Variants in VN1R2 observed in about 807,000 individuals in gnomAD.
VN1R2 encodes the protein vomeronasal 1 receptor 2.
For synonymous variants in VN1R2, 160 were observed against 173.1 expected, an observed-to-expected ratio of 0.92 and a Z score of 0.59; for missense variants, 418 against 452.4, an observed-to-expected ratio of 0.92 and a Z score of 0.69.
At position 53,258,452 on chromosome 19, in the gene VN1R2, T is replaced by C; in HGVS notation, c.77T>C (p.Leu26Pro). ...AGCGCAGCCTGGCATTTGGGGCCAC[T>C]ACCAGTCTCCTGCTTTGTATCCAAT... ...NISAAWHLGP[L>P]PVSCFVSNKY... Residue 26 changes from leucine (L) to proline (P), a missense_variant, in exon 1 of 1, where the codon CTA (leucine) becomes CCA (proline). Transcript: ENST00000341702. 1.1e-6 allele frequency: 1 copy of C among 872,744 alleles called. No homozygotes were observed. The highest frequency in any genetic ancestry group is 1.4e-5 in the South Asian group (1 of 70,272). 54.1% of individuals were successfully genotyped at this position (872,744 alleles called of 1,614,324 possible).
In VN1R2 at chr19:53,258,348, A is replaced by G. The variant is rs972718261; in HGVS notation, c.-28A>G. ...GGGCCCCCTGTCCAGTGGACACGTG[A>G]CCCACGTGACCTTACCTATCATTGG... On this transcript the variant is annotated 5_prime_UTR_variant, in exon 1 of 1. Transcript: ENST00000341702. 1.7e-5 allele frequency: 11 copies of G among 653,378 alleles called. No homozygotes were observed. Among genetic ancestry groups the G allele is most frequent in the African/African-American group, 1.3e-4 (7 of 55,190 alleles). 40.5% of individuals were successfully genotyped at this position (653,378 alleles called of 1,614,324 possible).
chr19:53,258,791 TC>T, upstream of VN1R2: 1 of 1,614,224 alleles, frequency 6.2e-7, no homozygotes, highest in Non-Finnish European at 8.5e-7. Flanking sequence ...TCCTTGGTTA[TC>T]CTATCTAAAA....
At position 53,259,489 on chromosome 19, in the gene VN1R2, C is replaced by A; in HGVS notation, c.1114C>A (p.Pro372Thr). 1 of 1,614,128 alleles carries A rather than the reference C, an allele frequency of 6.2e-7. No individual in the cohort carries two copies. The highest frequency in any genetic ancestry group is 8.5e-7 in the Non-Finnish European group (1 of 1,180,022). ...ISPFVLMCRD[P>T]SRSRLCSICC... is the part of the protein sequence containing the mutation. ...CCCTTTTGTTCTCATGTGCCGTGAC[C>A]CCAGCAGATCCAGGCTCTGCAGTAT... The change falls in exon 1 of 1, where the codon CCC becomes ACC. Residue 372 changes from proline (P) to threonine (T), a missense_variant. Pro to Thr is a conservative substitution (Grantham distance 38, BLOSUM62 -1). Coordinates refer to ENST00000341702, the MANE Select transcript of VN1R2 (RefSeq NM_173856.2).
At position 53,258,948 on chromosome 19, in the gene VN1R2, C is replaced by T; in HGVS notation, c.573C>T (p.Ile191=). 1 of 1,614,158 alleles carries T rather than the reference C, an allele frequency of 6.2e-7. No homozygotes were observed. The highest frequency in any genetic ancestry group is 8.5e-7 in the Non-Finnish European group (1 of 1,180,024). ...CLLSVFQVIT[I]NPRNSRWAEM... ...TGAGTGTCTTCCAGGTGATCACCATCAACCCTAGGAACTCCAGGTGGGCAG... is the reference window on the plus strand; with the variant it reads ...TGAGTGTCTTCCAGGTGATCACCATTAACCCTAGGAACTCCAGGTGGGCAG... The change falls in exon 1 of 1, where the codon ATC becomes ATT. Residue 191 remains isoleucine (I), a synonymous_variant. Transcript: ENST00000341702.
chr19:53,258,892 A>AG, upstream of VN1R2: 8 of 1,614,166 alleles, frequency 5.0e-6, no homozygotes, highest in Non-Finnish European at 6.8e-6. Context: ...CAGGGTAGGC[A>AG]GGGGTGTGTC....
chr19:53,259,381 G>A lies in VN1R2; in HGVS notation c.1006G>A (p.Val336Ile), dbSNP rs1394368853. 3.0e-5 allele frequency: 48 copies of A among 1,614,062 alleles called. No homozygotes were observed. Among genetic ancestry groups the A allele is most frequent in the South Asian group, 1.1e-4 (10 of 91,084 alleles). Reference protein sequence around the residue: ...LCYALSFITYVYLALFDNSSW... With the variant: ...LCYALSFITYIYLALFDNSSW... The stretch of plus-strand genomic sequence containing the variant: ...TTACGCCCTTTCCTTCATCACCTAC[G>A]TTTATTTAGCTCTCTTCGATAATTC... Residue 336 changes from valine (V) to isoleucine (I), a missense_variant, in exon 1 of 1, where the codon GTT becomes ATT. By Grantham distance (29) the Val-to-Ile change is conservative. Transcript: ENST00000341702.
chr19:53,258,955 AG>A (rs1321899889), upstream of VN1R2: 1 of 1,614,038 alleles, frequency 6.2e-7, no homozygotes, highest in African/African-American at 1.3e-5. Context: ...CATCAACCCT[AG>A]GAACTCCAGG....
In VN1R2 at chr19:53,259,173, A is replaced by G. The variant is rs1320640238; in HGVS notation, c.798A>G (p.Thr266=). The change falls in exon 1 of 1, where the codon ACA becomes ACG. Residue 266 remains threonine, a synonymous_variant. Coordinates refer to ENST00000341702, the MANE Select transcript of VN1R2 (RefSeq NM_173856.2). ...EVTKSVYAAL[T]SFHDVLCLGL... ...CAAAGTCAGTATATGCAGCATTGAC[A>G]TCCTTCCATGATGTTTTGTGTCTGG... The G allele has an allele frequency of 6.2e-7, 1 of 1,614,200 alleles. No homozygotes were observed. The highest frequency in any genetic ancestry group is 8.5e-7 in the Non-Finnish European group (1 of 1,180,036).
In VN1R2 at chr19:53,259,539, C is replaced by A. The variant is rs910002340; in HGVS notation, c.1164C>A (p.Phe388Leu). ...TCTGCTGCAGAAGAAATAGACGATT[C>A]TTTCATGATTTCAGGAAAATGTGAA... ...CSICCRRNRRFFHDFRKM is the reference protein window; with the variant it reads ...CSICCRRNRRLFHDFRKM The change falls in exon 1 of 1, where the codon TTC becomes TTA. Residue 388 changes from phenylalanine (F) to leucine (L), a missense_variant. Physicochemically the swap from Phe to Leu is conservative, Grantham distance 22. Coordinates refer to ENST00000341702, the MANE Select transcript of VN1R2 (RefSeq NM_173856.2). 20 of 1,610,762 alleles carry A rather than the reference C, an allele frequency of 1.2e-5. No individual in the cohort carries two copies. The highest frequency in any genetic ancestry group is 1.6e-5 in the Non-Finnish European group (19 of 1,178,056).
rs774777284 is a variant in VN1R2 at position 53,259,042 on chromosome 19, G to A, written c.667G>A (p.Val223Ile). 3 of 1,614,078 alleles carry A rather than the reference G, an allele frequency of 1.9e-6. No homozygotes were observed. In the Admixed American group the frequency reaches 5.0e-5, roughly 27 times the overall value. The change falls in exon 1 of 1, where the codon GTA (valine) becomes ATA (isoleucine). Residue 223 changes from valine to isoleucine, a missense_variant. Val to Ile is a conservative substitution (Grantham distance 29). Transcript: ENST00000341702. The part of the protein sequence containing the change: ...NILCWAFHML[V>I]NAIFPIYTTG... ...CCTGTGCTGGGCCTTCCACATGCTG[G>A]TAAATGCCATTTTTCCTATTTATAC...
At chr19:53,258,704 ATTAT>A (rs778030052), upstream of VN1R2, 1 of 1,613,844 alleles carries the variant, frequency 6.2e-7, no homozygotes, top group Non-Finnish European at 8.5e-7. Context: ...CTCTTATATT[ATTAT>A]ATGTTCCTTT....
Position 53,259,019 on chromosome 19 carries a change from T to C in VN1R2, c.644T>C (p.Leu215Pro), listed in dbSNP as rs780949668. The C allele has an allele frequency of 6.2e-7, 1 of 1,614,216 alleles. No homozygotes were observed. Among genetic ancestry groups the C allele is most frequent in the Non-Finnish European group, 8.5e-7 (1 of 1,180,048 alleles). The change falls in exon 1 of 1, where the codon CTG becomes CCG. Residue 215 changes from leucine to proline, a missense_variant. Transcript: ENST00000341702. Reference protein sequence around the residue: ...APTYIGLSNILCWAFHMLVNA... With the variant: ...APTYIGLSNIPCWAFHMLVNA... Reference sequence around the variant, plus strand: ...ACATACATTGGTCTCTCCAATATCCTGTGCTGGGCCTTCCACATGCTGGTA... The same window carrying C: ...ACATACATTGGTCTCTCCAATATCCCGTGCTGGGCCTTCCACATGCTGGTA...
In VN1R2 at chr19:53,259,163, C is replaced by T. The variant is rs201375063; in HGVS notation, c.788C>T (p.Ala263Val). The change falls in exon 1 of 1, where the codon GCA becomes GTA. Residue 263 changes from alanine (A) to valine (V), a missense_variant. Transcript: ENST00000341702. Reference protein sequence around the residue: ...LSDEVTKSVYAALTSFHDVLC... With the variant: ...LSDEVTKSVYVALTSFHDVLC... ...GATGAAGTCACAAAGTCAGTATATG[C>T]AGCATTGACATCCTTCCATGATGTT... 1.2e-6 allele frequency: 2 copies of T among 1,614,172 alleles called. No homozygotes were observed. Among genetic ancestry groups the T allele is most frequent in the Non-Finnish European group, 8.5e-7 (1 of 1,180,028 alleles).
chr19:53,259,472 T>C lies in VN1R2; in HGVS notation c.1097T>C (p.Val366Ala). ...TGTTTTCCAACTATTAGCCCTTTTG[T>C]TCTCATGTGCCGTGACCCCAGCAGA... The part of the protein sequence containing the change: ...IACFPTISPF[V>A]LMCRDPSRSR... Residue 366 changes from valine (V) to alanine (A), a missense_variant, in exon 1 of 1, where the codon GTT becomes GCT. Coordinates refer to ENST00000341702, the MANE Select transcript of VN1R2 (RefSeq NM_173856.2). 6.2e-7 allele frequency: 1 copy of C among 1,614,228 alleles called. No individual in the cohort carries two copies. The highest frequency in any genetic ancestry group is 8.5e-7 in the Non-Finnish European group (1 of 1,180,034).
rs745683925 is a variant in VN1R2 at position 53,258,904 on chromosome 19, A to T, written c.529A>T (p.Ile177Phe). 1 of 1,614,172 alleles carries T rather than the reference A, an allele frequency of 6.2e-7. No individual in the cohort carries two copies. Among genetic ancestry groups the T allele is most frequent in the Non-Finnish European group, 8.5e-7 (1 of 1,180,038 alleles). Residue 177 changes from isoleucine to phenylalanine, a missense_variant, in exon 1 of 1, where the codon ATT becomes TTT. Transcript: ENST00000341702. ...YAHRVGRGVS[I>F]GSTCLLSVFQ... ...ACACAGGGTAGGCAGGGGTGTGTCC[A>T]TTGGAAGCACCTGCCTCTTGAGTGT...
rs1248683871 is a variant in VN1R2, at chr19:53,258,389, T to C, written c.14T>C (p.Leu5Pro). Residue 5 changes from leucine (L) to proline (P), a missense_variant, in exon 1 of 1, where the codon CTT (leucine) becomes CCT (proline). Coordinates refer to ENST00000341702, the MANE Select transcript of VN1R2 (RefSeq NM_173856.2). Reference sequence around the variant, plus strand: ...CTATCATTGGAGATGACTCACACTCTTTACCCTACCCCTTTTGCTTTGTAT... The same window carrying C: ...CTATCATTGGAGATGACTCACACTCCTTACCCTACCCCTTTTGCTTTGTAT... The part of the protein sequence containing the change: MTHT[L>P]YPTPFALYPI... 1 of 711,038 alleles carries C rather than the reference T, an allele frequency of 1.4e-6. No individual in the cohort carries two copies. Among genetic ancestry groups the C allele is most frequent in the African/African-American group, 1.8e-5 (1 of 56,984 alleles). The allele number at this position is 711,038 out of a possible 1,614,324, so 44.0% of individuals were successfully genotyped here. A position where few individuals can be genotyped will look rare whatever the true frequency, so the allele number is the denominator to read the frequency against.
Position 53,259,461 on chromosome 19 carries a change from T to G in VN1R2, c.1086T>G (p.Ile362Met), listed in dbSNP as rs1467083460. The change falls in exon 1 of 1, where the codon ATT (isoleucine) becomes ATG (methionine). Residue 362 changes from isoleucine to methionine, a missense_variant. Physicochemically the swap from Ile to Met is conservative, Grantham distance 10. Coordinates refer to ENST00000341702, the MANE Select transcript of VN1R2 (RefSeq NM_173856.2). ...AALIIACFPT[I>M]SPFVLMCRDP... ...TAATCATTGCCTGTTTTCCAACTAT[T>G]AGCCCTTTTGTTCTCATGTGCCGTG... 1 of 1,614,220 alleles carries G rather than the reference T, an allele frequency of 6.2e-7. No homozygotes were observed. The highest frequency in any genetic ancestry group is 8.5e-7 in the Non-Finnish European group (1 of 1,180,040).
Position 53,259,240 on chromosome 19 carries a change from T to C in VN1R2, c.865T>C (p.Tyr289His). 6.2e-7 allele frequency: 1 copy of C among 1,614,186 alleles called. No individual in the cohort carries two copies. Among genetic ancestry groups the C allele is most frequent in the Non-Finnish European group, 8.5e-7 (1 of 1,180,028 alleles). ...WASSSIVLVL[Y>H]RHKQQVQHIC... ...CAGCAGCTCCATCGTTTTGGTCTTGTACAGGCACAAACAGCAGGTACAACA... is the reference window on the plus strand; with the variant it reads ...CAGCAGCTCCATCGTTTTGGTCTTGCACAGGCACAAACAGCAGGTACAACA... Residue 289 changes from tyrosine to histidine, a missense_variant, in exon 1 of 1, where the codon TAC becomes CAC. Physicochemically the swap from Tyr to His is moderately conservative, Grantham distance 83 (BLOSUM62 2). Transcript: ENST00000341702.
In VN1R2 at chr19:53,258,704, A is replaced by G; in HGVS notation, c.329A>G (p.Tyr110Cys). The part of the protein sequence containing the change: ...GILGNFSLLY[Y>C]YMFLYFRGYK... ...CTGGGGAATTTTTCACTCTTATATT[A>G]TTATATGTTCCTTTACTTTAGGGGA... Residue 110 changes from tyrosine (Y) to cysteine (C), a missense_variant, in exon 1 of 1, where the codon TAT becomes TGT. Transcript: ENST00000341702. 6 of 1,613,962 alleles carry G rather than the reference A, an allele frequency of 3.7e-6. No homozygotes were observed. The highest frequency in any genetic ancestry group is 5.1e-6 in the Non-Finnish European group (6 of 1,179,982).
Sources: gnomAD v4.1 joint callset for allele counts on GRCh38, gnomAD v4.1.1 for gene constraint, MANE v1.5 for transcripts, NCBI Gene and HGNC (gene_info 2026-07-23, HGNC 2026-07-21) for gene names.